PCCA: variants seen among roughly 807,000 people sequenced by gnomAD.
The protein encoded by PCCA is propionyl-CoA carboxylase subunit alpha.
In PCCA, 74 loss-of-function variants were observed where a neutral mutation model predicts 101.3. The observed-to-expected ratio is 0.73, with a 90% CI of 0.61 to 0.89. The LOEUF (loss-of-function observed/expected upper bound fraction) is 0.89, where lower values mean the gene tolerates loss of function less well. Ranked by LOEUF, PCCA falls within the 40% of genes least tolerant of loss-of-function variation. The pLI, the probability that PCCA is intolerant of heterozygous loss-of-function variation, is 0.00. For synonymous variants in PCCA, 294 were observed against 313.6 expected (o/e 0.94, Z 0.66); for missense variants, 891 against 907.0 (o/e 0.98, Z 0.23).
At chr13:100,297,849 AC>A (rs1174156004) in intron 12 of PCCA, among the ~76,000 whole-genome samples, 1 of 152,174 alleles carries the variant, frequency 6.6e-6, no homozygotes, top group Non-Finnish European at 1.5e-5. Flanking sequence ...TAGGGATATA[AC>A]CAATACAAAT....
chr13:100,432,392 T>A (rs1470231652), intron 20 of PCCA, among the ~76,000 whole-genome samples: 1 of 152,174 alleles, frequency 6.6e-6, no homozygotes, highest in Non-Finnish European at 1.5e-5. Context: ...ACTCTTTTAT[T>A]TTTTGTTAAT....
At position 100,244,929 on chromosome 13, in the gene PCCA, C is replaced by CTGTGTGTG. The variant is rs3223372; in HGVS notation, c.637+9080_637+9087dup. Among the ~76,000 whole-genome samples the CTGTGTGTG allele has an allele frequency of 9.9e-5, 14 of 141,712 alleles. 1 individual carries two copies. The highest frequency in any genetic ancestry group is 3.2e-4 in the African/African-American group (12 of 37,316). The allele number at this position is 141,712 out of a possible 152,430, so 93.0% of individuals were successfully genotyped here. ...ATGTGTATGACAGACTGAGGAAAGG[C>CTGTGTGTG]TGTGTGTGTGTGTGTGTGTGTGTGT... On this transcript the variant is annotated intron_variant, in intron 8 of 23. Coordinates refer to ENST00000376285, the MANE Select transcript of PCCA (RefSeq NM_000282.4).
chr13:100,453,871 T>G (rs2081521356), intron 21 of PCCA, among the ~76,000 whole-genome samples: 2 of 152,166 alleles, frequency 1.3e-5, no homozygotes. Flanking sequence ...TTTTGTTTTG[T>G]TTTTGTTTTT....
At chr13:100,161,562 G>A (rs1411510292) in intron 6 of PCCA, 2 of 152,148 alleles carry the variant, frequency 1.3e-5, no homozygotes, top group South Asian at 2.1e-4. Flanking sequence ...TCTGAAGTTA[G>A]CAAGTTTGCC....
chr13:100,527,275 C>T (rs1441516302), intron 22 of PCCA: 2 of 473,296 alleles, frequency 4.2e-6, no homozygotes, highest in East Asian at 1.4e-4. Flanking sequence ...AGCAGTGACT[C>T]CCCTTCCCTC....
chr13:100,526,593 A>G (rs2153007163), intron 22 of PCCA, among the ~76,000 whole-genome samples: 1 of 152,362 alleles, frequency 6.6e-6, no homozygotes, highest in African/African-American at 2.4e-5. Context: ...TTGGACGAAT[A>G]TGGCCACAGT....
At chr13:100,160,142 T>A (rs2054297219) in intron 6 of PCCA, among the ~76,000 whole-genome samples, 1 of 152,174 alleles carries the variant, frequency 6.6e-6, no homozygotes, top group Admixed American at 6.5e-5. Flanking sequence ...AGACTGATAA[T>A]TTTTTATGCT....
intron 6 of PCCA, among the ~76,000 whole-genome samples, chr13:100,180,306 T>C (rs2056676975): frequency 6.6e-6 from 1 of 152,198 alleles, no homozygotes; most frequent in Admixed American, 6.5e-5. Context: ...ACGTCCTCAC[T>C]CCTTAATTTG....
chr13:100,306,167 T>C (rs945760391), intron 14 of PCCA, among the ~76,000 whole-genome samples: 42 of 152,218 alleles, frequency 2.8e-4, no homozygotes, highest in African/African-American at 9.2e-4. Flanking sequence ...TGTGTTGACC[T>C]TTTTCTGCCT....
rs149511334 is a variant in PCCA at position 100,123,097 on chromosome 13, T to C, written c.300+11036T>C. ...TTTGAGACAAATTCTCACTCTGTCG[T>C]CCAGGCTGGAGTGCAATGGCACCAT... On this transcript the variant is annotated intron_variant, in intron 4 of 23. Coordinates refer to ENST00000376285, the MANE Select transcript of PCCA (RefSeq NM_000282.4). Among the ~76,000 whole-genome samples, 1,351 of 152,348 alleles carry C rather than the reference T, an allele frequency of 8.9e-3. 16 individuals are homozygous for C. The highest frequency in any genetic ancestry group is 0.031 in the African/African-American group (1,286 of 41,594).
chr13:100,225,458 AT>A (rs2060094696), intron 7 of PCCA, among the ~76,000 whole-genome samples: 1 of 152,200 alleles, frequency 6.6e-6, no homozygotes, highest in South Asian at 2.1e-4. Flanking sequence ...GGCAGTGTAG[AT>A]TTAAAGTAGT....
intron 5 of PCCA, 105 bp downstream of exon 5, chr13:100,155,197 T>C: frequency 1.2e-6 from 1 of 802,590 alleles, no homozygotes; most frequent in East Asian, 2.6e-5. Context: ...TTGAAAATGC[T>C]GTTGCAGTTA....
At chr13:100,427,210 C>CCAAACA (rs2079211335) in intron 20 of PCCA, among the ~76,000 whole-genome samples, 1 of 152,182 alleles carries the variant, frequency 6.6e-6, no homozygotes, top group Non-Finnish European at 1.5e-5. Context: ...GAACAAGACT[C>CCAAACA]TGTCTCCAAA....
At chr13:100,166,764 AT>A (rs201901442) in intron 6 of PCCA, among the ~76,000 whole-genome samples, 2 of 150,634 alleles carry the variant, frequency 1.3e-5, no homozygotes, top group African/African-American at 2.4e-5. Flanking sequence ...ATATGCTTTC[AT>A]TTTTTTTTGG....
intron 7 of PCCA, 64 bp downstream of exon 7, chr13:100,209,527 A>T (rs540585963): frequency 6.1e-5 from 86 of 1,408,628 alleles, no homozygotes; most frequent in Non-Finnish European, 8.0e-5. Flanking sequence ...CAAAAGTATA[A>T]GATAAAATGT....
intron 2 of PCCA, among the ~76,000 whole-genome samples, chr13:100,106,251 TTAA>T (rs2047784528): frequency 2.0e-5 from 3 of 152,216 alleles, no homozygotes; most frequent in Admixed American, 2.0e-4. Flanking sequence ...TTTTTATGTC[TTAA>T]TAAATGTTTG....
At chr13:100,167,813 A>G (rs1005949319) in intron 6 of PCCA, among the ~76,000 whole-genome samples, 4 of 152,110 alleles carry the variant, frequency 2.6e-5, no homozygotes, top group Admixed American at 6.5e-5. Context: ...AGAAAAAGTA[A>G]TGGGACATAC....
chr13:100,234,148 A>T (rs1010957427), intron 7 of PCCA, among the ~76,000 whole-genome samples: 1 of 152,202 alleles, frequency 6.6e-6, no homozygotes, highest in African/African-American at 2.4e-5. Flanking sequence ...TTCAAGAGGC[A>T]CTAATTGTTC....
intron 19 of PCCA, among the ~76,000 whole-genome samples, chr13:100,410,254 G>T (rs551243933): frequency 1.3e-5 from 2 of 151,738 alleles, no homozygotes; most frequent in East Asian, 3.9e-4. Flanking sequence ...GTTTTGTTTT[G>T]TTTTTTTGAG....
Sources: gnomAD v4.1 joint callset for allele counts (sites outside exome capture counted in the v4.1 genomes callset) on GRCh38, gnomAD v4.1.1 for gene constraint, MANE v1.5 for transcripts, NCBI Gene and HGNC (gene_info 2026-07-23, HGNC 2026-07-21) for gene names.